The following CCNY variants were observed in gnomAD, a reference collection of about 807,000 sequenced individuals.
The protein encoded by CCNY is cyclin Y.
CCNY carries 19 observed loss-of-function variants against 42.8 expected under a neutral mutation model. That is an observed-to-expected ratio of 0.44 (90% CI 0.31 to 0.65). CCNY has a LOEUF of 0.65. Ranked by LOEUF, CCNY falls within the 30% of genes least tolerant of loss-of-function variation. The pLI is 0.07. For missense variants in CCNY, 370 were observed against 437.3 expected, an observed-to-expected ratio of 0.85 and a Z score of 1.37; for synonymous variants, 165 against 162.7, an observed-to-expected ratio of 1.01 and a Z score of -0.11.
rs1840733477 is a variant in CCNY, at chr10:35,530,069, T to C, written c.459+39T>C. 2 of 1,614,034 alleles carry C rather than the reference T, an allele frequency of 1.2e-6. No individual in the cohort carries two copies. Among genetic ancestry groups the C allele is most frequent in the South Asian group, 1.1e-5 (1 of 91,092 alleles). On this transcript the variant is annotated intron_variant, in intron 6 of 9. Transcript: ENST00000374704. The surrounding 1 kb of genome is among the most constrained non-coding windows in gnomAD (Gnocchi z 4.3). ...TGTGTTTCATGAGATGATTTAATTA[T>C]TTCTCTTTTGCTCCAATCGGGAGAT...
chr10:35,392,722 G>A lies in CCNY; in HGVS notation c.154+55515G>A, dbSNP rs1057507628. ...CAGTCCTCAGAGCTGTACAGTCACC[G>A]CAGAGTTGGGAGTGGAGAAGTGACA... On this transcript the variant is annotated intron_variant, in intron 1 of 9. Transcript: ENST00000374704. 4.6e-5 allele frequency among the ~76,000 whole-genome samples: 7 copies of A among 152,300 alleles called. No homozygotes were observed. The East Asian group carries it at 5.8e-4, about 13-fold the overall frequency.
chr10:35,487,168 A>G (rs1417677029), intron 2 of CCNY, among the ~76,000 whole-genome samples: 3 of 152,234 alleles, frequency 2.0e-5, no homozygotes, highest in East Asian at 3.8e-4. Flanking sequence ...TATTTCCATT[A>G]CAAGACCACA....
chr10:35,435,759 C>T (rs573180802), intron 1 of CCNY, among the ~76,000 whole-genome samples: 13 of 152,198 alleles, frequency 8.5e-5, no homozygotes, highest in Non-Finnish European at 1.8e-4. Flanking sequence ...TGCTCAGAGG[C>T]TCTCATTAAA....
chr10:35,461,684 T>G (rs1389059818), intron 1 of CCNY, among the ~76,000 whole-genome samples: 1 of 152,200 alleles, frequency 6.6e-6, no homozygotes, highest in East Asian at 1.9e-4. Context: ...TTGGGACCAC[T>G]TGATGAAAAT....
chr10:35,449,657 T>G (rs906673391), intron 1 of CCNY: 9 of 469,408 alleles, frequency 1.9e-5, no homozygotes, highest in Admixed American at 6.4e-5. Flanking sequence ...GGGGCAGGGA[T>G]CCATTGCCGA....
intron 7 of CCNY, among the ~76,000 whole-genome samples, chr10:35,549,081 C>G (rs964041365): frequency 6.6e-6 from 1 of 151,298 alleles, no homozygotes; most frequent in African/African-American, 2.4e-5. Context: ...GTGCCAACTC[C>G]GTGCCCCTCA....
chr10:35,542,639 A>G (rs868089684), intron 7 of CCNY, among the ~76,000 whole-genome samples: 1 of 152,184 alleles, frequency 6.6e-6, no homozygotes, highest in Admixed American at 6.5e-5. Flanking sequence ...GGGCCCAGCC[A>G]TTGCAGCACG....
At chr10:35,390,091 A>G (rs1298053335) in intron 1 of CCNY, among the ~76,000 whole-genome samples, 1 of 152,260 alleles carries the variant, frequency 6.6e-6, no homozygotes, top group Non-Finnish European at 1.5e-5. Context: ...TGTGAGAACT[A>G]TCAGATTATG....
At chr10:35,443,510 A>C (rs1423152907) in intron 1 of CCNY, among the ~76,000 whole-genome samples, 2 of 152,194 alleles carry the variant, frequency 1.3e-5, no homozygotes, top group Non-Finnish European at 2.9e-5. Context: ...CAGGATCATC[A>C]ATATCACTGT....
rs114128788 is a variant in CCNY, at chr10:35,418,616, C to T, written c.155-64788C>T. 2.0e-3 allele frequency among the ~76,000 whole-genome samples: 297 copies of T among 152,048 alleles called. 2 individuals carry two copies. The highest frequency in any genetic ancestry group is 6.5e-3 in the African/African-American group (269 of 41,464). On this transcript the variant is annotated intron_variant, in intron 1 of 9. Transcript: ENST00000374704. ...TAAGCGGTAACTGAGAATATGCCTCCGTTGCTCAGAGTAGAGGGTGCTCAA... is the reference window on the plus strand; with the variant it reads ...TAAGCGGTAACTGAGAATATGCCTCTGTTGCTCAGAGTAGAGGGTGCTCAA...
intron 1 of CCNY, among the ~76,000 whole-genome samples, chr10:35,425,347 T>A (rs1214182647): frequency 1.3e-5 from 2 of 152,240 alleles, no homozygotes; most frequent in Non-Finnish European, 2.9e-5. Flanking sequence ...AACTGGTACT[T>A]CCTGATTGGA....
chr10:35,504,646 G>GTTGTTT (rs1840178086), intron 3 of CCNY, among the ~76,000 whole-genome samples: 1 of 151,076 alleles, frequency 6.6e-6, no homozygotes, highest in South Asian at 2.1e-4. Context: ...TGTTGTTGTT[G>GTTGTTT]TTGTTTTTGA....
At chr10:35,410,170 T>C (rs1176126879) in intron 1 of CCNY, among the ~76,000 whole-genome samples, 1 of 152,114 alleles carries the variant, frequency 6.6e-6, no homozygotes, top group Non-Finnish European at 1.5e-5. Flanking sequence ...CTTTGAACAG[T>C]GTCAAAGCTT....
At chr10:35,497,076 CA>C (rs1840017509) in intron 2 of CCNY, among the ~76,000 whole-genome samples, 1 of 152,182 alleles carries the variant, frequency 6.6e-6, no homozygotes. Flanking sequence ...TAGATTGTGT[CA>C]AAGGAGATTG....
intron 1 of CCNY, among the ~76,000 whole-genome samples, chr10:35,349,849 T>C (rs1041774513): frequency 1.3e-5 from 2 of 152,220 alleles, no homozygotes; most frequent in African/African-American, 4.8e-5. Context: ...GGGCAACTCC[T>C]CTACTCTGCC....
chr10:35,319,703 G>T (rs1013988468), intron 3 of CCNY, among the ~76,000 whole-genome samples: 1 of 151,926 alleles, frequency 6.6e-6, no homozygotes, highest in Non-Finnish European at 1.5e-5. Flanking sequence ...GTGAAACCCC[G>T]TCTCTACTAA....
rs1414376171 is a variant in CCNY, at chr10:35,444,723, T to C, written c.155-38681T>C. Among the ~76,000 whole-genome samples, 4 of 152,260 alleles carry C rather than the reference T, an allele frequency of 2.6e-5. No individual in the cohort carries two copies. The East Asian group carries it at 5.8e-4, about 22-fold the overall frequency. On this transcript the variant is annotated intron_variant, in intron 1 of 9. Coordinates refer to ENST00000374704, the MANE Select transcript of CCNY (RefSeq NM_145012.6). The stretch of plus-strand genomic sequence containing the variant: ...GTCTGTTGACCAAAACGTTACGCAG[T>C]GCATGACTGAATTTTTGTTTTAAAA...
chr10:35,424,831 C>T (rs1263736757), intron 1 of CCNY, among the ~76,000 whole-genome samples: 1 of 152,184 alleles, frequency 6.6e-6, no homozygotes, highest in African/African-American at 2.4e-5. Flanking sequence ...AAGTCCCTGA[C>T]GCTGTTGCCA....
intron 1 of CCNY, among the ~76,000 whole-genome samples, chr10:35,434,866 C>G (rs1298168195): frequency 1.3e-5 from 2 of 152,158 alleles, no homozygotes; most frequent in Non-Finnish European, 2.9e-5. Flanking sequence ...TTCTGTTTTT[C>G]TCCCCTTTCC....
Sources: gnomAD v4.1 joint callset for allele counts (sites outside exome capture counted in the v4.1 genomes callset) on GRCh38, gnomAD v4.1.1 for gene constraint, Gnocchi (gnomAD v3.1) non-coding constraint, MANE v1.5 for transcripts, NCBI Gene and HGNC (gene_info 2026-07-23, HGNC 2026-07-21) for gene names.